Variants in NRG3 observed in about 807,000 individuals in gnomAD.
The protein encoded by NRG3 is pro-neuregulin-3, membrane-bound isoform.
A neutral mutation model predicts 66.9 loss-of-function variants in NRG3; 31 were observed. The ratio of observed to expected loss-of-function variants is 0.46; its 90% confidence interval spans 0.35 to 0.63. The LOEUF (loss-of-function observed/expected upper bound fraction) is 0.63. Among genes scored for constraint, NRG3 ranks in the 20% least tolerant of loss-of-function variants. NRG3 has a pLI of 0.00. For missense variants in NRG3, 910 were observed against 878.9 expected (o/e 1.04, Z -0.45); for synonymous variants, 393 against 359.4 (o/e 1.09, Z -1.06).
At chr10:82,593,977 T>A (rs925430230) in intron 2 of NRG3, among the ~76,000 whole-genome samples, 7 of 152,170 alleles carry the variant, frequency 4.6e-5, no homozygotes, top group African/African-American at 1.7e-4. Context: ...CAGACTTTCT[T>A]TGACTAGATG....
chr10:82,565,622 G>A (rs954312200), intron 2 of NRG3, among the ~76,000 whole-genome samples: 1 of 151,922 alleles, frequency 6.6e-6, no homozygotes, highest in Admixed American at 6.6e-5. Context: ...TTTTTGATCG[G>A]CACTACCACT....
intron 2 of NRG3, among the ~76,000 whole-genome samples, chr10:82,460,173 A>G (rs941243975): frequency 3.3e-5 from 5 of 152,156 alleles, no homozygotes; most frequent in African/African-American, 9.7e-5. Flanking sequence ...TAATAGCCAT[A>G]CTGACATCAA....
chr10:81,963,123 C>CTTTTTT (rs1273518533), intron 1 of NRG3, among the ~76,000 whole-genome samples: 1 of 113,132 alleles, frequency 8.8e-6, no homozygotes, highest in African/African-American at 4.2e-5. Context: ...GCCACGAGGG[C>CTTTTTT]TCTTTTTTTT....
intron 1 of NRG3, among the ~76,000 whole-genome samples, chr10:82,314,200 C>G (rs2081180147): frequency 6.6e-6 from 1 of 152,156 alleles, no homozygotes; most frequent in Non-Finnish European, 1.5e-5. Context: ...ATTTTATCCC[C>G]TATTTTCTCT....
intron 2 of NRG3, among the ~76,000 whole-genome samples, chr10:82,505,476 G>A (rs1306919625): frequency 6.6e-6 from 1 of 152,168 alleles, no homozygotes; most frequent in Non-Finnish European, 1.5e-5. Context: ...ATAGACCATT[G>A]AGTTCTATTT....
At chr10:82,381,871 C>T (rs189653617) in intron 2 of NRG3, among the ~76,000 whole-genome samples, 55 of 152,202 alleles carry the variant, frequency 3.6e-4, no homozygotes, top group Admixed American at 6.5e-4. Context: ...TCTTTCCTTT[C>T]TTGTGTTAAC....
intron 2 of NRG3, among the ~76,000 whole-genome samples, chr10:82,637,896 T>G (rs189599426): frequency 6.9e-6 from 1 of 145,908 alleles, no homozygotes; most frequent in East Asian, 2.0e-4. Flanking sequence ...ATTTCCCAAT[T>G]TTGATATTTA....
At chr10:82,563,797 CATT>C (rs2045213819) in intron 2 of NRG3, among the ~76,000 whole-genome samples, 1 of 152,032 alleles carries the variant, frequency 6.6e-6, no homozygotes, top group African/African-American at 2.4e-5. Context: ...TACAGTACAT[CATT>C]ATTAACTATA....
intron 1 of NRG3, among the ~76,000 whole-genome samples, chr10:82,090,056 T>G (rs2065938043): frequency 6.6e-6 from 1 of 152,192 alleles, no homozygotes; most frequent in Admixed American, 6.5e-5. Flanking sequence ...ATACATAATA[T>G]ATAAGTGGGT....
At chr10:82,021,303 T>TTCC (rs1340137232) in intron 1 of NRG3, among the ~76,000 whole-genome samples, 2 of 152,000 alleles carry the variant, frequency 1.3e-5, no homozygotes, top group Admixed American at 1.3e-4. Context: ...GATTTTTAGG[T>TTCC]ACTTTTTATC....
intron 2 of NRG3, among the ~76,000 whole-genome samples, chr10:82,667,475 A>T (rs1249534248): frequency 6.6e-6 from 1 of 152,116 alleles, no homozygotes; most frequent in Non-Finnish European, 1.5e-5. Flanking sequence ...GTACCCGTTG[A>T]CTCTAAGTAG....
rs575624689 is a variant in NRG3, at chr10:82,361,724, G to C, written c.953+2856G>C. 2.0e-5 allele frequency among the ~76,000 whole-genome samples: 3 copies of C among 152,222 alleles called. No individual in the cohort carries two copies. In the South Asian group the frequency reaches 6.2e-4, roughly 32 times the overall value. ...AAATTTTAAAAAGCAAAATACTTCA[G>C]TGACTGACATGCTACCAGGAGTATG... On this transcript the variant is annotated intron_variant, in intron 2 of 8. Transcript: ENST00000372141.
intron 4 of NRG3, among the ~76,000 whole-genome samples, chr10:82,885,850 C>T (rs1842675393): frequency 6.6e-6 from 1 of 151,870 alleles, no homozygotes; most frequent in Non-Finnish European, 1.5e-5. Flanking sequence ...GCGTGAGCCA[C>T]CGCGCCTGGC....
At position 81,998,169 on chromosome 10, in the gene NRG3, T is replaced by C. The variant is rs146149261; in HGVS notation, c.823+122006T>C. On this transcript the variant is annotated intron_variant, in intron 1 of 8. Transcript: ENST00000372141. ...GTGTGATAAAGGGCGTAGTTTCCATTGGCTGATTTTAAGAAGTAATACACA... is the reference window on the plus strand; with the variant it reads ...GTGTGATAAAGGGCGTAGTTTCCATCGGCTGATTTTAAGAAGTAATACACA... Among the ~76,000 whole-genome samples the C allele has an allele frequency of 2.2e-4, 33 of 152,312 alleles. 2 individuals are homozygous for C. The highest frequency in any genetic ancestry group is 7.2e-4 in the African/African-American group (30 of 41,582).
chr10:82,972,625 T>G (rs1003996029), intron 6 of NRG3, among the ~76,000 whole-genome samples: 9 of 152,192 alleles, frequency 5.9e-5, no homozygotes, highest in African/African-American at 2.2e-4. Context: ...TTATCTTTAG[T>G]TTTTTATAGT....
intron 1 of NRG3, among the ~76,000 whole-genome samples, chr10:81,984,653 A>G (rs2060455488): frequency 6.6e-6 from 1 of 151,930 alleles, no homozygotes. Flanking sequence ...CTTTTCTGTG[A>G]CTCTTTCCAC....
At chr10:82,631,781 A>C (rs1432157046) in intron 2 of NRG3, among the ~76,000 whole-genome samples, 1 of 151,994 alleles carries the variant, frequency 6.6e-6, no homozygotes, top group East Asian at 1.9e-4. Context: ...GTAATTCCAC[A>C]CTGAAAATTT....
chr10:82,473,138 G>T (rs1193198101), intron 2 of NRG3, among the ~76,000 whole-genome samples: 1 of 152,178 alleles, frequency 6.6e-6, no homozygotes, highest in East Asian at 1.9e-4. Context: ...TACAGTCATG[G>T]TGCTAGACAG....
rs1252151840 is a variant in NRG3 at position 82,045,387 on chromosome 10, A to G, written c.823+169224A>G. Among the ~76,000 whole-genome samples the G allele has an allele frequency of 9.0e-5, 9 of 100,054 alleles. No individual in the cohort carries two copies. The East Asian group carries it at 1.6e-3, about 18-fold the overall frequency. The allele number at this position is 100,054 out of a possible 152,430, so 65.6% of individuals were successfully genotyped here. A position where few individuals can be genotyped will look rare whatever the true frequency, so the allele number is the denominator to read the frequency against. ...CTTCTTTTGAGAAGTGTCTGTTCATATCCTTCGCCCACTTTTTGATGGGGT... is the reference window on the plus strand; with the variant it reads ...CTTCTTTTGAGAAGTGTCTGTTCATGTCCTTCGCCCACTTTTTGATGGGGT... On this transcript the variant is annotated intron_variant, in intron 1 of 8. Coordinates refer to ENST00000372141, the MANE Select transcript of NRG3 (RefSeq NM_001010848.4).
Sources: gnomAD v4.1 joint callset for allele counts (sites outside exome capture counted in the v4.1 genomes callset) on GRCh38, gnomAD v4.1.1 for gene constraint, MANE v1.5 for transcripts, NCBI Gene and HGNC (gene_info 2026-07-23, HGNC 2026-07-21) for gene names.